Variants in SOX4 observed in about 807,000 individuals in gnomAD.
The protein encoded by SOX4 is SRY-box transcription factor 4, also known as transcription factor SOX-4.
For missense variants in SOX4, 662 were observed against 694.9 expected (o/e 0.95, Z 0.53); for synonymous variants, 465 against 348.4 (o/e 1.33, Z -3.73).
At position 21,595,369 on chromosome 6, in the gene SOX4, G is replaced by A. The variant is rs1318590230; in HGVS notation, c.835G>A (p.Ala279Thr). 6.5e-7 allele frequency: 1 copy of A among 1,533,684 alleles called. No individual in the cohort carries two copies. The highest frequency in any genetic ancestry group is 2.7e-5 in the East Asian group (1 of 37,220). ...CGCCTCCTCGGCAGCCTCGGCCTCC[G>A]CAGCGCTCGCGGCCCCGGGCAAGCA... The part of the protein sequence containing the change: ...ASASSAASAS[A>T]ALAAPGKHLA... The change falls in exon 1 of 1, where the codon GCA becomes ACA. Residue 279 changes from alanine (A) to threonine (T), a missense_variant. By Grantham distance (58) the Ala-to-Thr change is moderately conservative. Transcript: ENST00000244745.
Position 21,595,035 on chromosome 6 carries a change from G to GGGCGGCGGC in SOX4, c.510_518dup (p.Gly171_Gly173dup), listed in dbSNP as rs564094826. ...GTGGCAGTGGCGGGGGCGGCCATGG[G>GGGCGGCGGC]GGCGGCGGCGGCGGCGGGAGCAGCA... On this transcript the variant is annotated inframe_insertion, in exon 1 of 1. Coordinates refer to ENST00000244745, the MANE Select transcript of SOX4 (RefSeq NM_003107.3). 6.2e-6 allele frequency: 9 copies of GGGCGGCGGC among 1,446,034 alleles called. No individual in the cohort carries two copies. The highest frequency in any genetic ancestry group is 5.9e-5 in the African/African-American group (4 of 67,230). 89.6% of individuals were successfully genotyped at this position (1,446,034 alleles called of 1,614,324 possible). A position where few individuals can be genotyped will look rare whatever the true frequency, so the allele number is the denominator to read the frequency against.
Position 21,595,246 on chromosome 6 carries a change from G to C in SOX4, c.712G>C (p.Ala238Pro), listed in dbSNP as rs1364092588. 6 of 1,249,012 alleles carry C rather than the reference G, an allele frequency of 4.8e-6. No individual in the cohort carries two copies. 77.4% of individuals were successfully genotyped at this position (1,249,012 alleles called of 1,614,324 possible). ...AGCGGCTGCCGCCGCCGCCTCCTTCGCCGCCGAACAGGCGGGGGCCGCCGC... is the reference window on the plus strand; with the variant it reads ...AGCGGCTGCCGCCGCCGCCTCCTTCCCCGCCGAACAGGCGGGGGCCGCCGC... ...KAAAAAAASF[A>P]AEQAGAAALL... Residue 238 changes from alanine (A) to proline (P), a missense_variant, in exon 1 of 1, where the codon GCC becomes CCC. Coordinates refer to ENST00000244745, the MANE Select transcript of SOX4 (RefSeq NM_003107.3).
At position 21,594,601 on chromosome 6, in the gene SOX4, G is replaced by A; in HGVS notation, c.67G>A (p.Gly23Ser). The part of the protein sequence containing the change: ...ALLAGESSDS[G>S]AGLELGIASS... ...GCTGGCCGGCGAGAGCTCGGACTCG[G>A]GCGCCGGCCTCGAGCTGGGAATCGC... The change falls in exon 1 of 1, where the codon GGC becomes AGC. Residue 23 changes from glycine (G) to serine (S), a missense_variant. Coordinates refer to ENST00000244745, the MANE Select transcript of SOX4 (RefSeq NM_003107.3). 1 of 1,608,844 alleles carries A rather than the reference G, an allele frequency of 6.2e-7. No individual in the cohort carries two copies. The highest frequency in any genetic ancestry group is 8.5e-7 in the Non-Finnish European group (1 of 1,178,644).
At position 21,595,498 on chromosome 6, in the gene SOX4, CT is replaced by C; in HGVS notation, c.965del (p.Leu322ArgfsTer18). 7.4e-7 allele frequency: 1 copy of C among 1,357,522 alleles called. No homozygotes were observed. Among genetic ancestry groups the C allele is most frequent in the Non-Finnish European group, 9.5e-7 (1 of 1,055,224 alleles). 84.1% of individuals were successfully genotyped at this position (1,357,522 alleles called of 1,614,324 possible). Reference sequence around the variant, plus strand: ...CGCGGGAGCCGACCCCAGCGACCCCCTGGGCCTGTACGAGGAGGAGGGCGCG... The same window carrying C: ...CGCGGGAGCCGACCCCAGCGACCCCCGGGCCTGTACGAGGAGGAGGGCGCG... ...VGAGADPSDP[L>X]GLYEEEGAGC... On this transcript the variant is annotated frameshift_variant, in exon 1 of 1. Coordinates refer to ENST00000244745, the MANE Select transcript of SOX4 (RefSeq NM_003107.3). LOFTEE classifies it high-confidence loss of function.
rs1356178051 is a variant in SOX4 at position 21,595,887 on chromosome 6, G to A, written c.1353G>A (p.Thr451=). 6 of 1,606,154 alleles carry A rather than the reference G, an allele frequency of 3.7e-6. No homozygotes were observed. The highest frequency in any genetic ancestry group is 5.1e-6 in the Non-Finnish European group (6 of 1,176,818). ...GSHFEFPDYC[T]PEVSEMISGD... ...ACTTCGAGTTCCCGGACTACTGCAC[G>A]CCCGAGGTGAGCGAGATGATCTCGG... The change falls in exon 1 of 1, where the codon ACG becomes ACA. Residue 451 remains threonine, a synonymous_variant. Coordinates refer to ENST00000244745, the MANE Select transcript of SOX4 (RefSeq NM_003107.3).
At position 21,596,068 on chromosome 6, in the gene SOX4, A is replaced by G. The variant is rs943856841; in HGVS notation, c.*109A>G. On this transcript the variant is annotated 3_prime_UTR_variant, in exon 1 of 1. Coordinates refer to ENST00000244745, the MANE Select transcript of SOX4 (RefSeq NM_003107.3). The stretch of plus-strand genomic sequence containing the variant: ...AAGAGTTTAAAGAGAAAAGGGAAAA[A>G]AGAAAGAAAAAGTAAGCAGGGCTGG... 7.3e-7 allele frequency: 1 copy of G among 1,361,400 alleles called. No homozygotes were observed. Among genetic ancestry groups the G allele is most frequent in the African/African-American group, 1.5e-5 (1 of 66,064 alleles). 84.3% of individuals were successfully genotyped at this position (1,361,400 alleles called of 1,614,324 possible).
In SOX4 at chr6:21,593,787, G is replaced by C. The variant is rs1034438105; in HGVS notation, c.-748G>C. The C allele has an allele frequency of 1.3e-5, 2 of 152,276 alleles. No individual in the cohort carries two copies. The highest frequency in any genetic ancestry group is 2.4e-5 in the African/African-American group (1 of 41,428). 9.4% of individuals were successfully genotyped at this position (152,276 alleles called of 1,614,324 possible). On this transcript the variant is annotated 5_prime_UTR_variant, in exon 1 of 1. Coordinates refer to ENST00000244745, the MANE Select transcript of SOX4 (RefSeq NM_003107.3). ...CAGCAAGAGAAACTGTGTGTGAGGG[G>C]AAGAGGCCTGTTTCGCTGTCGGGTC...
In SOX4 at chr6:21,596,428, T is replaced by A. The variant is rs902695198; in HGVS notation, c.*469T>A. The stretch of plus-strand genomic sequence containing the variant: ...CCCCCTTCCTGCATCACCACCTTGG[T>A]TTTGTTTTATTTTGCTTCTTGGTCA... On this transcript the variant is annotated 3_prime_UTR_variant, in exon 1 of 1. Coordinates refer to ENST00000244745, the MANE Select transcript of SOX4 (RefSeq NM_003107.3). 6.0e-6 allele frequency: 1 copy of A among 166,994 alleles called. No individual in the cohort carries two copies. The highest frequency in any genetic ancestry group is 2.4e-5 in the African/African-American group (1 of 41,264). 10.3% of individuals were successfully genotyped at this position (166,994 alleles called of 1,614,324 possible).
At position 21,596,022 on chromosome 6, in the gene SOX4, AAG is replaced by A. The variant is rs1203175941; in HGVS notation, c.*65_*66del. The A allele has an allele frequency of 6.7e-5, 97 of 1,438,578 alleles. No individual in the cohort carries two copies. Among genetic ancestry groups the A allele is most frequent in the Non-Finnish European group, 7.1e-5 (78 of 1,095,632 alleles). 89.1% of individuals were successfully genotyped at this position (1,438,578 alleles called of 1,614,324 possible). A position where few individuals can be genotyped will look rare whatever the true frequency, so the allele number is the denominator to read the frequency against. ...GAGAGGAGAAAAAAAAAGTGAAAAAAAGAAACGAAAAGGACAGACGAAGAGTT... is the reference window on the plus strand; with the variant it reads ...GAGAGGAGAAAAAAAAAGTGAAAAAAAAACGAAAAGGACAGACGAAGAGTT... On this transcript the variant is annotated 3_prime_UTR_variant, in exon 1 of 1. Transcript: ENST00000244745.
Position 21,595,331 on chromosome 6 carries a change from G to GCGCCTCGGCCTCCGC in SOX4, c.799_813dup (p.Ala267_Ala271dup). 1 of 1,494,782 alleles carries GCGCCTCGGCCTCCGC rather than the reference G, an allele frequency of 6.7e-7. No homozygotes were observed. Among genetic ancestry groups the GCGCCTCGGCCTCCGC allele is most frequent in the Non-Finnish European group, 8.9e-7 (1 of 1,129,474 alleles). The allele number at this position is 1,494,782 out of a possible 1,614,324, so 92.6% of individuals were successfully genotyped here. The stretch of plus-strand genomic sequence containing the variant: ...TCGCTGTACAAGGCGCGGACTCCCA[G>GCGCCTCGGCCTCCGC]CGCCTCGGCCTCCGCCTCCTCGGCA... On this transcript the variant is annotated inframe_insertion, in exon 1 of 1. Coordinates refer to ENST00000244745, the MANE Select transcript of SOX4 (RefSeq NM_003107.3).
chr6:21,595,814 C>G lies in SOX4; in HGVS notation c.1280C>G (p.Ala427Gly). The G allele has an allele frequency of 2.5e-6, 4 of 1,613,418 alleles. No individual in the cohort carries two copies. Among genetic ancestry groups the G allele is most frequent in the Non-Finnish European group, 3.4e-6 (4 of 1,179,944 alleles). Residue 427 changes from alanine (A) to glycine (G), a missense_variant, in exon 1 of 1, where the codon GCG becomes GGG. Transcript: ENST00000244745. ...CTGGGCAGCTTCAGTTCGTCGTCGG[C>G]GCTCGACCGGGACCTGGATTTTAAC... ...MSLGSFSSSS[A>G]LDRDLDFNFE... is the part of the protein sequence containing the mutation.
chr6:21,596,487 C>T lies in SOX4; in HGVS notation c.*528C>T, dbSNP rs144133444. 141 of 167,252 alleles carry T rather than the reference C, an allele frequency of 8.4e-4. No homozygotes were observed. Among genetic ancestry groups the T allele is most frequent in the Non-Finnish European group, 1.5e-3 (100 of 68,194 alleles). 10.4% of individuals were successfully genotyped at this position (167,252 alleles called of 1,614,324 possible). A position where few individuals can be genotyped will look rare whatever the true frequency, so the allele number is the denominator to read the frequency against. ...GGGGAGAACCCAGCGCACCCCTCCC[C>T]CCCTTTTTTTAAACGCGTGATGAAG... On this transcript the variant is annotated 3_prime_UTR_variant, in exon 1 of 1. Transcript: ENST00000244745.
Position 21,598,153 on chromosome 6 carries a change from C to G in SOX4, c.*2194C>G, listed in dbSNP as rs566769836. 2 of 166,740 alleles carry G rather than the reference C, an allele frequency of 1.2e-5. No homozygotes were observed. Among genetic ancestry groups the G allele is most frequent in the South Asian group, 4.1e-4 (2 of 4,822 alleles). The allele number at this position is 166,740 out of a possible 1,614,324, so 10.3% of individuals were successfully genotyped here. ...GACACTATGTACTGCGTTTTTCATTCTTGTATTTGACTATTTAATCCTTTC... is the reference window on the plus strand; with the variant it reads ...GACACTATGTACTGCGTTTTTCATTGTTGTATTTGACTATTTAATCCTTTC... On this transcript the variant is annotated 3_prime_UTR_variant, in exon 1 of 1. Transcript: ENST00000244745.
rs1266082499 is a variant in SOX4, at chr6:21,594,962, C to G, written c.428C>G (p.Ser143Cys). ...AAGTCCGGCAACGCCAACTCCAGCT[C>G]CTCGGCCGCCGCCTCCTCCAAGCCG... ...KVKSGNANSS[S>C]SAAASSKPGE... The change falls in exon 1 of 1, where the codon TCC becomes TGC. Residue 143 changes from serine (S) to cysteine (C), a missense_variant. Transcript: ENST00000244745. 6.2e-7 allele frequency: 1 copy of G among 1,603,082 alleles called. No homozygotes were observed. Among genetic ancestry groups the G allele is most frequent in the Non-Finnish European group, 8.5e-7 (1 of 1,174,752 alleles).
chr6:21,596,189 C>T lies in SOX4; in HGVS notation c.*230C>T. The T allele has an allele frequency of 1.8e-6, 1 of 548,198 alleles. No homozygotes were observed. Among genetic ancestry groups the T allele is most frequent in the Non-Finnish European group, 2.9e-6 (1 of 341,666 alleles). 34.0% of individuals were successfully genotyped at this position (548,198 alleles called of 1,614,324 possible). ...CTTCCCGGGCCGGGGACCCACTCTG[C>T]CCAGCCGGAGGGACGCGGAGGAGGA... On this transcript the variant is annotated 3_prime_UTR_variant, in exon 1 of 1. Coordinates refer to ENST00000244745, the MANE Select transcript of SOX4 (RefSeq NM_003107.3).
Position 21,595,826 on chromosome 6 carries a change from A to G in SOX4, c.1292A>G (p.Asp431Gly). The stretch of plus-strand genomic sequence containing the variant: ...AGTTCGTCGTCGGCGCTCGACCGGG[A>G]CCTGGATTTTAACTTCGAGCCCGGC... ...SFSSSSALDR[D>G]LDFNFEPGSG... The change falls in exon 1 of 1, where the codon GAC (aspartate) becomes GGC (glycine). Residue 431 changes from aspartate to glycine, a missense_variant. Physicochemically the swap from Asp to Gly is moderately conservative, Grantham distance 94 (BLOSUM62 -1). Coordinates refer to ENST00000244745, the MANE Select transcript of SOX4 (RefSeq NM_003107.3). The G allele has an allele frequency of 6.2e-7, 1 of 1,613,164 alleles. No individual in the cohort carries two copies. Among genetic ancestry groups the G allele is most frequent in the South Asian group, 1.1e-5 (1 of 90,984 alleles).
rs1755835366 is a variant in SOX4 at position 21,597,554 on chromosome 6, TACCC to T, written c.*1598_*1601del. 1 of 155,054 alleles carries T rather than the reference TACCC, an allele frequency of 6.4e-6. No homozygotes were observed. Among genetic ancestry groups the T allele is most frequent in the Non-Finnish European group, 1.5e-5 (1 of 66,100 alleles). 9.6% of individuals were successfully genotyped at this position (155,054 alleles called of 1,614,324 possible). On this transcript the variant is annotated 3_prime_UTR_variant, in exon 1 of 1. Transcript: ENST00000244745. The stretch of plus-strand genomic sequence containing the variant: ...TTTTTTTTTTTTTGGTAGTTGTTGT[TACCC>T]ACGCCATTTTACGTCTCCTTCACTG...
In SOX4 at chr6:21,595,315, A is replaced by G; in HGVS notation, c.781A>G (p.Lys261Glu). 1 of 1,471,370 alleles carries G rather than the reference A, an allele frequency of 6.8e-7. No homozygotes were observed. Among genetic ancestry groups the G allele is most frequent in the Non-Finnish European group, 9.0e-7 (1 of 1,116,638 alleles). The allele number at this position is 1,471,370 out of a possible 1,614,324, so 91.1% of individuals were successfully genotyped here. A position where few individuals can be genotyped will look rare whatever the true frequency, so the allele number is the denominator to read the frequency against. ...GAAADHHSLYKARTPSASASA... is the reference protein window; with the variant it reads ...GAAADHHSLYEARTPSASASA... ...CGCCGCCGACCACCACTCGCTGTAC[A>G]AGGCGCGGACTCCCAGCGCCTCGGC... is the stretch of plus-strand genomic sequence containing the variant. Residue 261 changes from lysine (K) to glutamate (E), a missense_variant, in exon 1 of 1, where the codon AAG becomes GAG. Transcript: ENST00000244745.
Position 21,595,830 on chromosome 6 carries a change from G to A in SOX4, c.1296G>A (p.Leu432=). The change falls in exon 1 of 1, where the codon CTG becomes CTA. Residue 432 remains leucine (L), a synonymous_variant. Transcript: ENST00000244745. ...FSSSSALDRD[L]DFNFEPGSGS... ...CGTCGTCGGCGCTCGACCGGGACCTGGATTTTAACTTCGAGCCCGGCTCCG... is the reference window on the plus strand; with the variant it reads ...CGTCGTCGGCGCTCGACCGGGACCTAGATTTTAACTTCGAGCCCGGCTCCG... The A allele has an allele frequency of 6.2e-7, 1 of 1,613,288 alleles. No individual in the cohort carries two copies. The highest frequency in any genetic ancestry group is 8.5e-7 in the Non-Finnish European group (1 of 1,179,924).
Sources: allele counts gnomAD v4.1 joint callset, GRCh38; gene constraint gnomAD v4.1.1; transcripts MANE v1.5; gene names NCBI Gene and HGNC (gene_info 2026-07-23, HGNC 2026-07-21).